The following ADCY9 variants were observed in gnomAD, a reference collection of about 807,000 sequenced individuals.
ADCY9 encodes the protein adenylate cyclase type 9.
A neutral mutation model predicts 101.5 loss-of-function variants in ADCY9; 50 were observed. The ratio of observed to expected loss-of-function variants is 0.49; its 90% CI spans 0.39 to 0.62. The LOEUF (loss-of-function observed/expected upper bound fraction) is 0.62, where lower values mean the gene tolerates loss of function less well. Ranked by LOEUF, ADCY9 falls within the 20% of genes least tolerant of loss-of-function variation. ADCY9 has a pLI of 0.00. For synonymous variants in ADCY9, 905 were observed against 769.3 expected (o/e 1.18, Z -2.92); for missense variants, 1,662 against 1,800.4 (o/e 0.92, Z 1.39).
At chr16:4,022,560 T>C (rs1171334509) in intron 2 of ADCY9, among the ~76,000 whole-genome samples, 1 of 149,834 alleles carries the variant, frequency 6.7e-6, no homozygotes, top group Non-Finnish European at 1.5e-5. Context: ...ATTTATTATA[T>C]ACATATATGT....
chr16:4,053,941 A>C (rs2056718655), intron 2 of ADCY9: 1 of 152,212 alleles, frequency 6.6e-6, no homozygotes, highest in African/African-American at 2.4e-5. Context: ...CAGCAGCCCC[A>C]GGCCTCTTGC....
chr16:4,092,516 C>T (rs1277641497), intron 2 of ADCY9, among the ~76,000 whole-genome samples: 6 of 152,126 alleles, frequency 3.9e-5, no homozygotes, highest in Non-Finnish European at 5.9e-5. Context: ...AATTGACTTT[C>T]GATTATACAA....
chr16:4,020,820 C>T lies in ADCY9; in HGVS notation c.1694-13262G>A, dbSNP rs547365044. Among the ~76,000 whole-genome samples the T allele has an allele frequency of 1.0e-3, 72 of 70,408 alleles. 1 individual carries two copies. The East Asian group carries it at 0.02, about 20-fold the overall frequency. The allele number at this position is 70,408 out of a possible 152,430, so 46.2% of individuals were successfully genotyped here. On this transcript the variant is annotated intron_variant, in intron 2 of 10. Coordinates refer to ENST00000294016, the MANE Select transcript of ADCY9 (RefSeq NM_001116.4). Reference sequence around the variant, plus strand: ...CAGCCTGGGCGACAGAGCGAGACTCCGTCTCAAAAAAAAAAAAAGAAAGTG... The same window carrying T: ...CAGCCTGGGCGACAGAGCGAGACTCTGTCTCAAAAAAAAAAAAAGAAAGTG...
intron 5 of ADCY9, among the ~76,000 whole-genome samples, chr16:3,991,079 C>T (rs1426736455): frequency 6.6e-6 from 1 of 152,124 alleles, no homozygotes; most frequent in Non-Finnish European, 1.5e-5. Flanking sequence ...GGATTATAGG[C>T]GTGAGCCACA....
rs557664288 is a variant in ADCY9, at chr16:4,017,599, G to A, written c.1694-10041C>T. Among the ~76,000 whole-genome samples the A allele has an allele frequency of 3.4e-5, 5 of 145,516 alleles. No homozygotes were observed. The East Asian group carries it at 8.1e-4, about 24-fold the overall frequency. On this transcript the variant is annotated intron_variant, in intron 2 of 10. Coordinates refer to ENST00000294016, the MANE Select transcript of ADCY9 (RefSeq NM_001116.4). ...GCAGAGGTTGCAGTGAGCCAAGATC[G>A]CACCATTGCACTCCAGCCTGGGCAG...
In ADCY9 at chr16:4,010,851, C is replaced by T. The variant is rs187898067; in HGVS notation, c.1694-3293G>A. Reference sequence around the variant, plus strand: ...CGAGGCCAGGAGGGCTCCTCCCCTGCGATGGGATCAGGCGCCTGCATAAAG... The same window carrying T: ...CGAGGCCAGGAGGGCTCCTCCCCTGTGATGGGATCAGGCGCCTGCATAAAG... On this transcript the variant is annotated intron_variant, in intron 2 of 10. Transcript: ENST00000294016. 6.6e-5 allele frequency among the ~76,000 whole-genome samples: 10 copies of T among 152,240 alleles called. No homozygotes were observed. The East Asian group carries it at 7.7e-4, about 12-fold the overall frequency.
chr16:4,076,039 A>T (rs1321340135), intron 2 of ADCY9, among the ~76,000 whole-genome samples: 1 of 152,194 alleles, frequency 6.6e-6, no homozygotes, highest in Non-Finnish European at 1.5e-5. Context: ...GAGCAAATGC[A>T]AAATAACAGC....
At chr16:4,032,519 T>TA (rs1163748585) in intron 2 of ADCY9, among the ~76,000 whole-genome samples, 4 of 151,386 alleles carry the variant, frequency 2.6e-5, no homozygotes, top group Non-Finnish European at 5.9e-5. Context: ...CAATTTTTTT[T>TA]TTTTTTTGAG....
At position 4,115,271 on chromosome 16, in the gene ADCY9, C is replaced by G. The variant is rs1219284190; in HGVS notation, c.172G>C (p.Gly58Arg). The G allele has an allele frequency of 1.2e-6, 2 of 1,613,586 alleles. No homozygotes were observed. The highest frequency in any genetic ancestry group is 2.7e-5 in the African/African-American group (2 of 74,934). Residue 58 changes from glycine to arginine, a missense_variant, in exon 2 of 11, where the codon GGG becomes CGG. Coordinates refer to ENST00000294016, the MANE Select transcript of ADCY9 (RefSeq NM_001116.4). The surrounding 1 kb of genome is among the most constrained non-coding windows in gnomAD (Gnocchi z 6.2). ...YSISSSCSSS[G>R]DSGGVPRRVG... ...CGCCGGGGGACGCCCCCGGAGTCCC[C>G]AGAGCTGCTGCAGCTAGAGGAGATG...
chr16:4,034,524 C>T (rs2056576948), intron 2 of ADCY9, among the ~76,000 whole-genome samples: 1 of 152,176 alleles, frequency 6.6e-6, no homozygotes, highest in Non-Finnish European at 1.5e-5. Flanking sequence ...TTTCTCCTGC[C>T]TCAGCCTCCT....
intron 5 of ADCY9, among the ~76,000 whole-genome samples, chr16:3,957,597 G>C (rs1187865236): frequency 6.6e-6 from 1 of 152,132 alleles, no homozygotes; most frequent in African/African-American, 2.4e-5. Flanking sequence ...ATGTCCTAGA[G>C]ACGCAGAACC....
intron 2 of ADCY9, among the ~76,000 whole-genome samples, chr16:4,069,625 C>A (rs2056821305): frequency 3.3e-5 from 5 of 152,104 alleles, no homozygotes; most frequent in Admixed American, 3.3e-4. Context: ...TTTTGCTATT[C>A]TCAATTATAT....
Position 3,992,423 on chromosome 16 carries a change from C to T in ADCY9, c.1990-60G>A. ...GTGAAGTGGCACCGGGCACTGGGCA[C>T]ACACGCCTGTCCCACCCCGACCTCC... On this transcript the variant is annotated intron_variant, in intron 4 of 10. Transcript: ENST00000294016. The surrounding 1 kb of genome is among the most constrained non-coding windows in gnomAD (Gnocchi z 4.2). The T allele has an allele frequency of 6.7e-7, 1 of 1,500,520 alleles. No homozygotes were observed. 93.0% of individuals were successfully genotyped at this position (1,500,520 alleles called of 1,614,324 possible).
At chr16:3,996,855 C>T (rs1405140286) in intron 3 of ADCY9, among the ~76,000 whole-genome samples, 1 of 151,986 alleles carries the variant, frequency 6.6e-6, no homozygotes, top group African/African-American at 2.4e-5. Context: ...CTGTGCTTTT[C>T]TCTCTTTTTT....
intron 2 of ADCY9, among the ~76,000 whole-genome samples, chr16:4,093,846 C>T (rs2056987438): frequency 6.6e-6 from 1 of 152,168 alleles, no homozygotes; most frequent in Non-Finnish European, 1.5e-5. Context: ...ATTACTTGTT[C>T]AGGAAAGCTC....
rs1379881313 is a variant in ADCY9 at position 3,992,143 on chromosome 16, T to C, written c.2207+3A>G. On this transcript the variant is annotated splice_donor_region_variant and intron_variant, in intron 5 of 10. Transcript: ENST00000294016. The surrounding 1 kb of genome is among the most constrained non-coding windows in gnomAD (Gnocchi z 4.2). ...GCTTTTTCCCAGACAGCCCCAGTCG[T>C]ACCTGTCTTCTTTGATAACGTCCAC... 1 of 1,614,002 alleles carries C rather than the reference T, an allele frequency of 6.2e-7. No homozygotes were observed. Among genetic ancestry groups the C allele is most frequent in the Non-Finnish European group, 8.5e-7 (1 of 1,179,852 alleles).
chr16:3,976,078 G>A (rs1230112308), intron 9 of ADCY9, among the ~76,000 whole-genome samples: 9 of 152,006 alleles, frequency 5.9e-5, no homozygotes, highest in Admixed American at 3.9e-4. Context: ...TGCAACCTCC[G>A]CCTCCCAGGG....
intron 2 of ADCY9, among the ~76,000 whole-genome samples, chr16:4,081,552 C>G (rs1052549953): frequency 6.6e-6 from 1 of 152,218 alleles, no homozygotes; most frequent in African/African-American, 2.4e-5. Context: ...CATATTAAAA[C>G]CACATTCATC....
intron 2 of ADCY9, among the ~76,000 whole-genome samples, chr16:4,043,472 G>A (rs199964467): frequency 2.6e-4 from 39 of 151,844 alleles, no homozygotes; most frequent in African/African-American, 9.2e-4. Context: ...TCAGGAGTTC[G>A]AGACCAGCCT....
Sources: gnomAD v4.1 joint callset for allele counts (sites outside exome capture counted in the v4.1 genomes callset) on GRCh38, gnomAD v4.1.1 for gene constraint, Gnocchi (gnomAD v3.1) non-coding constraint, MANE v1.5 for transcripts, NCBI Gene and HGNC (gene_info 2026-07-23, HGNC 2026-07-21) for gene names.